FAM168B: variants seen among roughly 807,000 people sequenced by gnomAD.
FAM168B encodes family with sequence similarity 168 member B, also known as myelin-associated neurite-outgrowth inhibitor.
Under a neutral mutation model 21.8 loss-of-function variants are expected in FAM168B, and 19 were observed. The observed-to-expected ratio is 0.87, with a 90% CI of 0.61 to 1.28. The LOEUF (loss-of-function observed/expected upper bound fraction) is 1.28, where lower values mean the gene tolerates loss of function less well. Ranked by LOEUF, FAM168B falls within the 50% of genes most tolerant of loss-of-function variation. The pLI is 0.00. For missense variants in FAM168B, 233 were observed against 263.1 expected, an observed-to-expected ratio of 0.89 and a Z score of 0.79; for synonymous variants, 126 against 104.8, an observed-to-expected ratio of 1.20 and a Z score of -1.24.
chr2:131,071,160 C>T (rs1246636094), intron 3 of FAM168B, among the ~76,000 whole-genome samples: 1 of 152,204 alleles, frequency 6.6e-6, no homozygotes, highest in African/African-American at 2.4e-5. Flanking sequence ...TTGTCTCCTC[C>T]TCTGTCAAAG....
At chr2:131,074,475 G>A (rs1450160293) in intron 2 of FAM168B, among the ~76,000 whole-genome samples, 1 of 152,112 alleles carries the variant, frequency 6.6e-6, no homozygotes, top group Non-Finnish European at 1.5e-5. Flanking sequence ...GATGACTCAG[G>A]TTTCCTAGCC....
In FAM168B at chr2:131,048,137, C is replaced by T. The variant is rs1236610827; in HGVS notation, c.*4328G>A. ...TGCTGACTTAGCTTAAAAAAAGTAC[C>T]GAGAGAACGGTGTAAAAAACGGTAT... On this transcript the variant is annotated 3_prime_UTR_variant, in exon 7 of 7. Coordinates refer to ENST00000389915, the MANE Select transcript of FAM168B (RefSeq NM_001009993.4). The T allele has an allele frequency of 2.0e-5, 24 of 1,208,860 alleles. No individual in the cohort carries two copies. The highest frequency in any genetic ancestry group is 3.2e-5 in the African/African-American group (2 of 63,346). 74.9% of individuals were successfully genotyped at this position (1,208,860 alleles called of 1,614,324 possible).
intron 1 of FAM168B, among the ~76,000 whole-genome samples, chr2:131,090,816 C>T: frequency 6.6e-6 from 1 of 152,118 alleles, no homozygotes; most frequent in East Asian, 1.9e-4. Context: ...GCAAGCTCCA[C>T]CTCCCGGGTT....
At chr2:131,072,289 A>T (rs1279782622) in intron 2 of FAM168B, among the ~76,000 whole-genome samples, 1 of 151,022 alleles carries the variant, frequency 6.6e-6, no homozygotes, top group Non-Finnish European at 1.5e-5. Flanking sequence ...ACACCTGGCT[A>T]ATTTTTCTAT....
chr2:131,054,990 T>A (rs1691932126), intron 5 of FAM168B, among the ~76,000 whole-genome samples: 1 of 152,026 alleles, frequency 6.6e-6, no homozygotes, highest in Admixed American at 6.6e-5. Flanking sequence ...AAGTCTTACA[T>A]GGTCATAGGG....
chr2:131,087,563 G>A (rs1559001232), intron 1 of FAM168B, among the ~76,000 whole-genome samples: 1 of 152,206 alleles, frequency 6.6e-6, no homozygotes, highest in African/African-American at 2.4e-5. Context: ...CAAGCAAGAT[G>A]CATTTTAAGA....
At chr2:131,079,722 CACAAAAAAA>C (rs1558986778) in intron 2 of FAM168B, among the ~76,000 whole-genome samples, 2 of 151,754 alleles carry the variant, frequency 1.3e-5, no homozygotes, top group African/African-American at 4.8e-5. Context: ...TTATAGCAGC[CACAAAAAAA>C]ACAAACACAC....
rs1359756797 is a variant in FAM168B at position 131,055,619 on chromosome 2, C to A, written c.231G>T (p.Pro77=). ...SGAVPPYSSS[P]NPYQTAVYPV... ...GGTACACGGCAGTCTGGTAGGGGTT[C>A]GGGGAGGAGGAGTACGGTGGCACAG... Residue 77 remains proline, a synonymous_variant, in exon 4 of 7, where the codon CCG becomes CCT. Transcript: ENST00000389915. 1 of 1,611,180 alleles carries A rather than the reference C, an allele frequency of 6.2e-7. No homozygotes were observed. The highest frequency in any genetic ancestry group is 1.1e-5 in the South Asian group (1 of 90,570).
At chr2:131,091,377 C>T (rs1268525462) in intron 1 of FAM168B, among the ~76,000 whole-genome samples, 1 of 150,912 alleles carries the variant, frequency 6.6e-6, no homozygotes, top group Non-Finnish European at 1.5e-5. Context: ...GCATATAGGC[C>T]GAGCGCGGTG....
chr2:131,062,890 T>C (rs955689481), intron 3 of FAM168B, among the ~76,000 whole-genome samples: 1 of 152,242 alleles, frequency 6.6e-6, no homozygotes, highest in African/African-American at 2.4e-5. Context: ...ATGCACATTT[T>C]ACTTAAAAAC....
chr2:131,085,930 T>C (rs908783696), intron 1 of FAM168B, among the ~76,000 whole-genome samples: 3 of 152,214 alleles, frequency 2.0e-5, no homozygotes, highest in Admixed American at 6.5e-5. Flanking sequence ...ATTGATCTTT[T>C]AGCTTTATTT....
chr2:131,077,113 T>C (rs989150121), intron 2 of FAM168B, among the ~76,000 whole-genome samples: 17 of 148,124 alleles, frequency 1.1e-4, no homozygotes, highest in Admixed American at 6.2e-4. Flanking sequence ...ATTACTAAAA[T>C]AGCACACACT....
intron 3 of FAM168B, among the ~76,000 whole-genome samples, chr2:131,067,323 A>C (rs1327025646): frequency 6.6e-6 from 1 of 152,202 alleles, no homozygotes; most frequent in African/African-American, 2.4e-5. Context: ...CTTATATCAC[A>C]ATTGGAAGAG....
intron 3 of FAM168B, among the ~76,000 whole-genome samples, chr2:131,063,323 A>G (rs1388379549): frequency 1.3e-5 from 2 of 152,184 alleles, no homozygotes; most frequent in South Asian, 2.1e-4. Flanking sequence ...TTTTTAATAT[A>G]TATTATCTTA....
At chr2:131,061,025 T>C (rs2105481762) in intron 3 of FAM168B, among the ~76,000 whole-genome samples, 1 of 151,636 alleles carries the variant, frequency 6.6e-6, no homozygotes, top group South Asian at 2.1e-4. Flanking sequence ...CTAATTTTTT[T>C]TTTTTTTGGT....
intron 3 of FAM168B, among the ~76,000 whole-genome samples, chr2:131,057,554 T>C (rs766845157): frequency 6.6e-6 from 1 of 152,202 alleles, no homozygotes; most frequent in Non-Finnish European, 1.5e-5. Flanking sequence ...TCCATGGGCA[T>C]GTACAACTGT....
Position 131,052,314 on chromosome 2 carries a change from G to A in FAM168B, c.*151C>T. The A allele has an allele frequency of 1.0e-6, 1 of 986,000 alleles. No individual in the cohort carries two copies. The highest frequency in any genetic ancestry group is 1.7e-5 in the African/African-American group (1 of 57,362). The allele number at this position is 986,000 out of a possible 1,614,324, so 61.1% of individuals were successfully genotyped here. On this transcript the variant is annotated 3_prime_UTR_variant, in exon 7 of 7. Coordinates refer to ENST00000389915, the MANE Select transcript of FAM168B (RefSeq NM_001009993.4). ...AGTCAGCTGGAGACTAACGGCGCTGGGGCCTGCTGGGCCGGGATATAGTCG... is the reference window on the plus strand; with the variant it reads ...AGTCAGCTGGAGACTAACGGCGCTGAGGCCTGCTGGGCCGGGATATAGTCG...
chr2:131,056,976 C>A (rs1370202899), intron 3 of FAM168B, among the ~76,000 whole-genome samples: 2 of 152,180 alleles, frequency 1.3e-5, no homozygotes, highest in East Asian at 3.8e-4. Context: ...GGTCATACAG[C>A]TGTGTATGAC....
Position 131,055,245 on chromosome 2 carries a change from A to ACAGACAC in FAM168B, c.475+20_475+26dup, listed in dbSNP as rs753659808. 7.3e-6 allele frequency: 11 copies of ACAGACAC among 1,513,050 alleles called. No individual in the cohort carries two copies. In the South Asian group the frequency reaches 1.5e-4, roughly 20 times the overall value. The allele number at this position is 1,513,050 out of a possible 1,614,324, so 93.7% of individuals were successfully genotyped here. ...CCCCAGCTCTAGGGTACACCATAGGACAGACACCGCAGGAACGAGGACTTA... is the reference window on the plus strand; with the variant it reads ...CCCCAGCTCTAGGGTACACCATAGGACAGACACCAGACACCGCAGGAACGAGGACTTA... On this transcript the variant is annotated intron_variant, in intron 5 of 6. Transcript: ENST00000389915.
Sources: allele counts gnomAD v4.1 joint callset (sites outside exome capture counted in the v4.1 genomes callset), GRCh38; gene constraint gnomAD v4.1.1; transcripts MANE v1.5; gene names NCBI Gene and HGNC (gene_info 2026-07-23, HGNC 2026-07-21).